NAPG: variants seen among roughly 807,000 people sequenced by gnomAD.
NAPG encodes NSF attachment protein gamma.
Under a neutral mutation model 48.4 loss-of-function variants are expected in NAPG, and 25 were observed. The observed-to-expected ratio is 0.52, with a 90% CI of 0.38 to 0.72. The LOEUF (loss-of-function observed/expected upper bound fraction) is 0.72. Among genes scored for constraint, NAPG ranks in the 30% least tolerant of loss-of-function variants. The pLI, the probability that NAPG is intolerant of heterozygous loss-of-function variation, is 0.00. For synonymous variants in NAPG, 139 were observed against 127.2 expected (o/e 1.09, Z -0.62); for missense variants, 359 against 372.5 (o/e 0.96, Z 0.30).
chr18:10,532,399 C>T (rs73942681), intron 2 of NAPG, among the ~76,000 whole-genome samples: 2,039 of 152,124 alleles, frequency 0.013, 51 homozygotes, highest in African/African-American at 0.046. Flanking sequence ...AAGAATCTGC[C>T]GGTTACTGGG....
chr18:10,526,242 G>GA, intron 1 of NAPG, 84 bp downstream of exon 1: 1 of 694,526 alleles, frequency 1.4e-6, no homozygotes, highest in South Asian at 1.4e-5. Context: ...GGGGGGGCGG[G>GA]AGGGAGGGCT....
At position 10,550,549 on chromosome 18, in the gene NAPG, G is replaced by A. The variant is rs551185280; in HGVS notation, c.*329G>A. On this transcript the variant is annotated 3_prime_UTR_variant, in exon 12 of 12. Transcript: ENST00000322897. The stretch of plus-strand genomic sequence containing the variant: ...CTAAACAAAAGGGGTAATAAGCATA[G>A]GTATTCTCTCTTGGACACTTGTAAG... 5.1e-6 allele frequency: 1 copy of A among 197,972 alleles called. No individual in the cohort carries two copies. The highest frequency in any genetic ancestry group is 2.4e-5 in the African/African-American group (1 of 42,100). 12.3% of individuals were successfully genotyped at this position (197,972 alleles called of 1,614,324 possible). A position where few individuals can be genotyped will look rare whatever the true frequency, so the allele number is the denominator to read the frequency against.
chr18:10,533,607 G>T, intron 4 of NAPG, 54 bp downstream of exon 4: 1 of 1,471,778 alleles, frequency 6.8e-7, no homozygotes, highest in Non-Finnish European at 9.3e-7. Flanking sequence ...AAATGTTGCT[G>T]TTTTTCTGTA....
At chr18:10,540,264 T>C in intron 7 of NAPG, 65 bp from the exon 8 acceptor site, 1 of 1,410,696 alleles carries the variant, frequency 7.1e-7, no homozygotes, top group South Asian at 1.2e-5. Context: ...ACAAAATAAA[T>C]ATTAGGGGAT....
intron 5 of NAPG, among the ~76,000 whole-genome samples, chr18:10,538,877 A>C (rs1358165904): frequency 6.6e-6 from 1 of 152,188 alleles, no homozygotes; most frequent in African/African-American, 2.4e-5. Flanking sequence ...TAGAAAAAGA[A>C]GACATACAGC....
intron 5 of NAPG, among the ~76,000 whole-genome samples, chr18:10,538,276 A>T (rs1314965063): frequency 6.6e-6 from 1 of 152,178 alleles, no homozygotes; most frequent in Non-Finnish European, 1.5e-5. Flanking sequence ...GGCATTTGGA[A>T]GTGAAGAGCG....
At position 10,543,541 on chromosome 18, in the gene NAPG, A is replaced by G. The variant is rs1481525264; in HGVS notation, c.507-2785A>G. ...TAAACATTTCTGTAGGTAGTTAAAA[A>G]TAGGTTTTGGAGTTCAGGAAATAGT... On this transcript the variant is annotated intron_variant, in intron 8 of 11. Coordinates refer to ENST00000322897, the MANE Select transcript of NAPG (RefSeq NM_003826.3). This position sits in a 1 kb window ranked among gnomAD's most constrained non-coding sequence, Gnocchi z 4.4. 6.6e-6 allele frequency among the ~76,000 whole-genome samples: 1 copy of G among 152,250 alleles called. No individual in the cohort carries two copies. The highest frequency in any genetic ancestry group is 2.4e-5 in the African/African-American group (1 of 41,466).
At chr18:10,533,760 A>G (rs955823937) in intron 4 of NAPG, among the ~76,000 whole-genome samples, 8 of 152,048 alleles carry the variant, frequency 5.3e-5, no homozygotes, top group Non-Finnish European at 1.0e-4. Flanking sequence ...TAAATTTGCC[A>G]TAATATTTTA....
At position 10,534,402 on chromosome 18, in the gene NAPG, A is replaced by G. The variant is rs980403037; in HGVS notation, c.228-64A>G. On this transcript the variant is annotated intron_variant, in intron 4 of 11. Coordinates refer to ENST00000322897, the MANE Select transcript of NAPG (RefSeq NM_003826.3). This position sits in a 1 kb window ranked among gnomAD's most constrained non-coding sequence, Gnocchi z 5.0. The stretch of plus-strand genomic sequence containing the variant: ...CTTTCCTTACCAGTAGTTCCTCACC[A>G]GAAAGTTTCTTCTACCCCTTATTTC... The G allele has an allele frequency of 1.6e-5, 23 of 1,462,862 alleles. No individual in the cohort carries two copies. Among genetic ancestry groups the G allele is most frequent in the Admixed American group, 1.7e-5 (1 of 59,030 alleles). 90.6% of individuals were successfully genotyped at this position (1,462,862 alleles called of 1,614,324 possible).
At position 10,548,419 on chromosome 18, in the gene NAPG, A is replaced by C; in HGVS notation, c.665+41A>C. The C allele has an allele frequency of 6.7e-7, 1 of 1,483,054 alleles. No homozygotes were observed. Among genetic ancestry groups the C allele is most frequent in the Non-Finnish European group, 9.4e-7 (1 of 1,062,502 alleles). 91.9% of individuals were successfully genotyped at this position (1,483,054 alleles called of 1,614,324 possible). A position where few individuals can be genotyped will look rare whatever the true frequency, so the allele number is the denominator to read the frequency against. On this transcript the variant is annotated intron_variant, in intron 10 of 11. Transcript: ENST00000322897. The surrounding 1 kb of genome is among the most constrained non-coding windows in gnomAD (Gnocchi z 4.4). ...GGCCCTCTTGACTTGCAGTGGCGAC[A>C]CCTCTGTGTCTACAACTAAGATTGC... is the stretch of plus-strand genomic sequence containing the variant.
At position 10,534,450 on chromosome 18, in the gene NAPG, T is replaced by G. The variant is rs751363133; in HGVS notation, c.228-16T>G. The G allele has an allele frequency of 3.7e-6, 6 of 1,612,650 alleles. No individual in the cohort carries two copies. The highest frequency in any genetic ancestry group is 2.2e-5 in the South Asian group (2 of 91,038). On this transcript the variant is annotated splice_polypyrimidine_tract_variant and intron_variant, in intron 4 of 11. Coordinates refer to ENST00000322897, the MANE Select transcript of NAPG (RefSeq NM_003826.3). The surrounding 1 kb of genome is among the most constrained non-coding windows in gnomAD (Gnocchi z 5.0). Reference sequence around the variant, plus strand: ...TTCGTTAAGATCTCATCAGAGAAATTATATTCTCTTTGCAGAGCTTATGAG... The same window carrying G: ...TTCGTTAAGATCTCATCAGAGAAATGATATTCTCTTTGCAGAGCTTATGAG...
chr18:10,533,051 G>T, intron 3 of NAPG: 2 of 379,570 alleles, frequency 5.3e-6, no homozygotes, highest in South Asian at 5.7e-5. Context: ...GTTTTACTTG[G>T]GATGAAGTAA....
At chr18:10,531,357 A>T (rs1222731964) in intron 2 of NAPG, among the ~76,000 whole-genome samples, 1 of 152,190 alleles carries the variant, frequency 6.6e-6, no homozygotes, top group Non-Finnish European at 1.5e-5. Context: ...TTTATATAAG[A>T]TATAAACAAT....
chr18:10,548,147 G>A lies in NAPG; in HGVS notation c.586-152G>A, dbSNP rs138324981. 3.2e-3 allele frequency among the ~76,000 whole-genome samples: 494 copies of A among 152,286 alleles called. 4 individuals are homozygous for A. The Middle Eastern group carries it at 0.034, about 10-fold the overall frequency. On this transcript the variant is annotated intron_variant, in intron 9 of 11. Coordinates refer to ENST00000322897, the MANE Select transcript of NAPG (RefSeq NM_003826.3). This position sits in a 1 kb window ranked among gnomAD's most constrained non-coding sequence, Gnocchi z 4.4. Reference sequence around the variant, plus strand: ...TACTGTTCTAGGATATTTCCCCTCAGGTGTCCCGTGGAAGTTACTATAGCA... The same window carrying A: ...TACTGTTCTAGGATATTTCCCCTCAAGTGTCCCGTGGAAGTTACTATAGCA...
At position 10,546,276 on chromosome 18, in the gene NAPG, C is replaced by A; in HGVS notation, c.507-50C>A. 1 of 1,216,718 alleles carries A rather than the reference C, an allele frequency of 8.2e-7. No individual in the cohort carries two copies. The highest frequency in any genetic ancestry group is 1.2e-6 in the Non-Finnish European group (1 of 859,792). The allele number at this position is 1,216,718 out of a possible 1,614,324, so 75.4% of individuals were successfully genotyped here. On this transcript the variant is annotated intron_variant, in intron 8 of 11. Transcript: ENST00000322897. The surrounding 1 kb of genome is among the most constrained non-coding windows in gnomAD (Gnocchi z 4.0). Reference sequence around the variant, plus strand: ...AAGTACATTTCACAGGGGACCTCTGCTATAGATCATTTAGACCTGCTTTTT... The same window carrying A: ...AAGTACATTTCACAGGGGACCTCTGATATAGATCATTTAGACCTGCTTTTT...
At chr18:10,541,926 G>C (rs1340716982) in intron 8 of NAPG, among the ~76,000 whole-genome samples, 1 of 152,200 alleles carries the variant, frequency 6.6e-6, no homozygotes, top group Non-Finnish European at 1.5e-5. Context: ...GAGAGGCCAG[G>C]ATCTTTTCGG....
Position 10,539,685 on chromosome 18 carries a change from T to A in NAPG, c.259-77T>A. 1 of 1,164,258 alleles carries A rather than the reference T, an allele frequency of 8.6e-7. No homozygotes were observed. The highest frequency in any genetic ancestry group is 1.3e-5 in the South Asian group (1 of 77,442). The allele number at this position is 1,164,258 out of a possible 1,614,324, so 72.1% of individuals were successfully genotyped here. A position where few individuals can be genotyped will look rare whatever the true frequency, so the allele number is the denominator to read the frequency against. ...CCCAGAACTTAAAATAAAAAATAAT[T>A]GCATTTCAGATTGTTAACTCTGTTT... On this transcript the variant is annotated intron_variant, in intron 5 of 11. Transcript: ENST00000322897. The surrounding 1 kb of genome is among the most constrained non-coding windows in gnomAD (Gnocchi z 4.7).
intron 5 of NAPG, among the ~76,000 whole-genome samples, chr18:10,538,954 G>T (rs889128796): frequency 1.3e-5 from 2 of 152,038 alleles, no homozygotes; most frequent in African/African-American, 4.8e-5. Flanking sequence ...ACCACAATGA[G>T]ATCTCACGCC....
In NAPG at chr18:10,546,549, G is replaced by C. The variant is rs1262046818; in HGVS notation, c.585+145G>C. ...TGGGCCTCTATTTTTGACCAAGATA[G>C]AGTAAGCCCACTACAGCTTGTTTCT... On this transcript the variant is annotated intron_variant, in intron 9 of 11. Coordinates refer to ENST00000322897, the MANE Select transcript of NAPG (RefSeq NM_003826.3). The surrounding 1 kb of genome is among the most constrained non-coding windows in gnomAD (Gnocchi z 4.0). 2.1e-5 allele frequency: 10 copies of C among 483,040 alleles called. No individual in the cohort carries two copies. The highest frequency in any genetic ancestry group is 3.3e-5 in the Non-Finnish European group (9 of 275,270). 29.9% of individuals were successfully genotyped at this position (483,040 alleles called of 1,614,324 possible).
Sources: gnomAD v4.1 joint callset for allele counts (sites outside exome capture counted in the v4.1 genomes callset) on GRCh38, gnomAD v4.1.1 for gene constraint, Gnocchi (gnomAD v3.1) non-coding constraint, MANE v1.5 for transcripts, NCBI Gene and HGNC (gene_info 2026-07-23, HGNC 2026-07-21) for gene names.